Variants in DOK6 observed in about 807,000 individuals in gnomAD.
DOK6 encodes docking protein 6, also known as downstream of tyrosine kinase 6.
DOK6 carries 22 observed loss-of-function variants against 44.0 expected under a neutral mutation model. The ratio of observed to expected loss-of-function variants is 0.50; its 90% confidence interval spans 0.36 to 0.71. The LOEUF is 0.71. Among genes scored for constraint, DOK6 ranks in the 30% least tolerant of loss-of-function variants. The pLI is 0.00. For missense variants in DOK6, 340 were observed against 416.4 expected (o/e 0.82, Z 1.60); for synonymous variants, 166 against 145.5 (o/e 1.14, Z -1.01).
intron 3 of DOK6, among the ~76,000 whole-genome samples, chr18:69,623,049 A>G (rs538363555): frequency 4.0e-4 from 61 of 152,124 alleles, no homozygotes; most frequent in Non-Finnish European, 4.9e-4. Context: ...ACGTGATTGA[A>G]TTATGGGGGG....
chr18:69,709,893 C>A (rs1231594653), intron 5 of DOK6, among the ~76,000 whole-genome samples: 1 of 152,256 alleles, frequency 6.6e-6, no homozygotes, highest in South Asian at 2.1e-4. Context: ...TATAAACTTA[C>A]TGGCTAGGCA....
chr18:69,537,185 A>T (rs1419455263), intron 1 of DOK6, among the ~76,000 whole-genome samples: 1 of 152,082 alleles, frequency 6.6e-6, no homozygotes. Context: ...ATTATTCACA[A>T]GGAATATTCC....
chr18:69,535,209 T>C (rs927917862), intron 1 of DOK6, among the ~76,000 whole-genome samples: 1 of 152,100 alleles, frequency 6.6e-6, no homozygotes, highest in Non-Finnish European at 1.5e-5. Context: ...CTTAGATCTT[T>C]CAAAAAATTT....
At chr18:69,607,999 A>G (rs1458100040) in intron 3 of DOK6, among the ~76,000 whole-genome samples, 3 of 152,226 alleles carry the variant, frequency 2.0e-5, no homozygotes, top group Non-Finnish European at 2.9e-5. Flanking sequence ...TAGGCAATTC[A>G]CATTTTTATA....
Position 69,480,697 on chromosome 18 carries a change from C to T in DOK6, c.66+79387C>T, listed in dbSNP as rs8099580. Among the ~76,000 whole-genome samples, 1,246 of 152,120 alleles carry T rather than the reference C, an allele frequency of 8.2e-3. 13 individuals are homozygous for T. The highest frequency in any genetic ancestry group is 0.026 in the African/African-American group (1,075 of 41,492). ...TTGGTGTAGTGAGAAATGTCTTACA[C>T]GTGTGGGGAAGGAGATATGGAGATA... On this transcript the variant is annotated intron_variant, in intron 1 of 7. Coordinates refer to ENST00000382713, the MANE Select transcript of DOK6 (RefSeq NM_152721.6).
intron 1 of DOK6, among the ~76,000 whole-genome samples, chr18:69,490,309 G>A (rs531837153): frequency 1.8e-4 from 28 of 152,126 alleles, no homozygotes; most frequent in African/African-American, 6.0e-4. Flanking sequence ...TGTTTTAACT[G>A]GCAAACTCAA....
intron 3 of DOK6, among the ~76,000 whole-genome samples, chr18:69,620,927 A>G (rs995384898): frequency 6.6e-6 from 1 of 152,174 alleles, no homozygotes; most frequent in Non-Finnish European, 1.5e-5. Flanking sequence ...TATTATTTTC[A>G]TGTTGCTTTG....
chr18:69,411,359 G>A (rs1978305242), intron 1 of DOK6, among the ~76,000 whole-genome samples: 1 of 152,104 alleles, frequency 6.6e-6, no homozygotes, highest in Non-Finnish European at 1.5e-5. Context: ...CTGAGCCTGG[G>A]GTGTAGAATA....
chr18:69,582,320 G>A (rs1224942981), intron 2 of DOK6, among the ~76,000 whole-genome samples: 3 of 152,136 alleles, frequency 2.0e-5, no homozygotes, highest in Non-Finnish European at 4.4e-5. Flanking sequence ...AGCTGAGTTC[G>A]TGAAAGTATA....
intron 3 of DOK6, among the ~76,000 whole-genome samples, chr18:69,631,437 A>C (rs951550232): frequency 1.3e-5 from 2 of 152,172 alleles, no homozygotes; most frequent in Admixed American, 6.5e-5. Flanking sequence ...AGTGAATAGC[A>C]TGGTAATTCA....
intron 2 of DOK6, among the ~76,000 whole-genome samples, chr18:69,575,222 C>G (rs965583709): frequency 1.3e-5 from 2 of 152,036 alleles, no homozygotes; most frequent in Non-Finnish European, 2.9e-5. Flanking sequence ...TGATTTTGCA[C>G]TCACAGAAAC....
chr18:69,650,547 T>G (rs142913039), intron 3 of DOK6, among the ~76,000 whole-genome samples: 30 of 152,360 alleles, frequency 2.0e-4, no homozygotes, highest in African/African-American at 6.7e-4. Flanking sequence ...AGTTTAATTA[T>G]GTTAATTTTC....
chr18:69,445,625 C>G (rs1185671324), intron 1 of DOK6, among the ~76,000 whole-genome samples: 1 of 152,108 alleles, frequency 6.6e-6, no homozygotes, highest in East Asian at 1.9e-4. Context: ...TGTTGAACCA[C>G]TCTTTCATTT....
At chr18:69,691,320 G>C (rs1986262138) in intron 4 of DOK6, among the ~76,000 whole-genome samples, 1 of 152,110 alleles carries the variant, frequency 6.6e-6, no homozygotes, top group African/African-American at 2.4e-5. Context: ...TGTTAAGAGA[G>C]ACATAAAGAT....
intron 3 of DOK6, among the ~76,000 whole-genome samples, chr18:69,675,002 T>C (rs984617275): frequency 6.6e-6 from 1 of 152,172 alleles, no homozygotes; most frequent in Non-Finnish European, 1.5e-5. Context: ...AGTGTGACAA[T>C]ATGTACTCTA....
intron 1 of DOK6, among the ~76,000 whole-genome samples, chr18:69,529,884 A>T (rs1981936298): frequency 6.6e-6 from 1 of 152,194 alleles, no homozygotes; most frequent in African/African-American, 2.4e-5. Flanking sequence ...ATGATATGTT[A>T]GGCACTTTAC....
intron 1 of DOK6, among the ~76,000 whole-genome samples, chr18:69,422,750 G>A (rs956366048): frequency 2.0e-5 from 3 of 152,078 alleles, no homozygotes; most frequent in African/African-American, 7.2e-5. Flanking sequence ...TGTACTTCCT[G>A]CTAGATTAAT....
At chr18:69,812,594 T>G (rs1435237056) in intron 7 of DOK6, among the ~76,000 whole-genome samples, 3 of 152,144 alleles carry the variant, frequency 2.0e-5, no homozygotes, top group Non-Finnish European at 4.4e-5. Flanking sequence ...CAACGCTACC[T>G]GGTTTGAATA....
intron 1 of DOK6, among the ~76,000 whole-genome samples, chr18:69,470,308 G>C (rs1260377425): frequency 6.6e-6 from 1 of 152,130 alleles, no homozygotes; most frequent in Non-Finnish European, 1.5e-5. Context: ...CCAGCCTCAC[G>C]TGACTCTGGA....
Sources: gnomAD v4.1 joint callset for allele counts (sites outside exome capture counted in the v4.1 genomes callset) on GRCh38, gnomAD v4.1.1 for gene constraint, MANE v1.5 for transcripts, NCBI Gene and HGNC (gene_info 2026-07-23, HGNC 2026-07-21) for gene names.